The following CYP7B1 variants were observed in gnomAD, a reference collection of about 807,000 sequenced individuals.
CYP7B1 encodes cytochrome P450 family 7 subfamily B member 1.
Under a neutral mutation model 42.7 loss-of-function variants are expected in CYP7B1, and 29 were observed. That is an observed-to-expected ratio of 0.68 (90% CI 0.51 to 0.93). CYP7B1 has a LOEUF of 0.93. Ranked by LOEUF, CYP7B1 falls within the 40% of genes least tolerant of loss-of-function variation. The pLI is 0.00. For missense variants in CYP7B1, 655 were observed against 600.5 expected (o/e 1.09, Z -0.95); for synonymous variants, 235 against 218.2 (o/e 1.08, Z -0.68).
chr8:64,784,961 GA>G (rs1173293833), intron 1 of CYP7B1, among the ~76,000 whole-genome samples: 1 of 152,114 alleles, frequency 6.6e-6, no homozygotes, highest in Non-Finnish European at 1.5e-5. Flanking sequence ...AAAGCTAAGA[GA>G]CAGTATTTTC....
intron 1 of CYP7B1, among the ~76,000 whole-genome samples, chr8:64,693,522 C>T (rs563214237): frequency 2.0e-5 from 3 of 152,154 alleles, no homozygotes; most frequent in Non-Finnish European, 2.9e-5. Flanking sequence ...TTAAATGATC[C>T]TTTCCTCTAA....
intron 1 of CYP7B1, among the ~76,000 whole-genome samples, chr8:64,789,201 T>G (rs1014699504): frequency 2.0e-5 from 3 of 152,210 alleles, no homozygotes; most frequent in African/African-American, 7.2e-5. Flanking sequence ...GTGCTGGGAT[T>G]ACAGGCATGA....
chr8:64,660,443 T>C (rs768735450), intron 1 of CYP7B1, among the ~76,000 whole-genome samples: 5 of 152,176 alleles, frequency 3.3e-5, no homozygotes, highest in African/African-American at 4.8e-5. Context: ...TGAATGAAAT[T>C]ATACACAAGA....
intron 2 of CYP7B1, among the ~76,000 whole-genome samples, chr8:64,620,907 C>CAAAAAATT (rs1805521106): frequency 6.6e-6 from 1 of 152,090 alleles, no homozygotes; most frequent in Non-Finnish European, 1.5e-5. Context: ...CAGAAATTGG[C>CAAAAAATT]TATTTTTTTG....
intron 1 of CYP7B1, among the ~76,000 whole-genome samples, chr8:64,740,838 A>C (rs1327291627): frequency 6.6e-6 from 1 of 151,462 alleles, no homozygotes; most frequent in Admixed American, 6.6e-5. Flanking sequence ...TATATCTATC[A>C]AAAAAAATCC....
rs552595901 is a variant in CYP7B1, at chr8:64,640,303, AC to A, written c.123-15765del. 9.8e-4 allele frequency among the ~76,000 whole-genome samples: 149 copies of A among 152,260 alleles called. 1 individual carries two copies. The highest frequency in any genetic ancestry group is 1.9e-3 in the Non-Finnish European group (130 of 68,000). On this transcript the variant is annotated intron_variant, in intron 1 of 5. Transcript: ENST00000310193. Reference sequence around the variant, plus strand: ...TTCATGGTATATAAATTATATCTCAACAAACCTCATGAAAAAATGAGACTAA... The same window carrying A: ...TTCATGGTATATAAATTATATCTCAAAAACCTCATGAAAAAATGAGACTAA...
At chr8:64,754,613 AG>A (rs2129633584) in intron 1 of CYP7B1, among the ~76,000 whole-genome samples, 1 of 152,234 alleles carries the variant, frequency 6.6e-6, no homozygotes, top group South Asian at 2.1e-4. Flanking sequence ...GCCTGGAGTT[AG>A]GGGATTCAAG....
chr8:64,630,698 T>C (rs1304099189), intron 1 of CYP7B1, among the ~76,000 whole-genome samples: 1 of 152,198 alleles, frequency 6.6e-6, no homozygotes, highest in Admixed American at 6.5e-5. Context: ...TAACTTCAGA[T>C]GAGCAGGCAA....
chr8:64,725,234 T>C (rs73243418), intron 1 of CYP7B1, among the ~76,000 whole-genome samples: 5,564 of 152,310 alleles, frequency 0.037, 333 homozygotes, highest in African/African-American at 0.13. Context: ...TCACATAAAA[T>C]GTTGATTATT....
At chr8:64,786,221 A>C (rs557417668) in intron 1 of CYP7B1, among the ~76,000 whole-genome samples, 1 of 152,298 alleles carries the variant, frequency 6.6e-6, no homozygotes, top group East Asian at 1.9e-4. Flanking sequence ...CCTTTTCAAC[A>C]GTCCCCCAAA....
At chr8:64,627,449 T>C (rs904957500) in intron 1 of CYP7B1, among the ~76,000 whole-genome samples, 2 of 152,226 alleles carry the variant, frequency 1.3e-5, no homozygotes, top group African/African-American at 4.8e-5. Flanking sequence ...ATATTAACTC[T>C]CTTCCTTGGT....
At chr8:64,604,989 C>T in intron 4 of CYP7B1, 132 bp from the exon 5 acceptor site, 1 of 1,095,898 alleles carries the variant, frequency 9.1e-7, no homozygotes, top group Non-Finnish European at 1.3e-6. Flanking sequence ...ATACATTGAG[C>T]ACCAAGAGGG....
chr8:64,720,762 T>G (rs998427901), intron 1 of CYP7B1, among the ~76,000 whole-genome samples: 5 of 152,156 alleles, frequency 3.3e-5, no homozygotes, highest in Non-Finnish European at 7.4e-5. Flanking sequence ...CCTTAAATTA[T>G]GTAATTGTGA....
At chr8:64,587,004 A>G (rs934120069), downstream of CYP7B1, among the ~76,000 whole-genome samples, 5 of 152,178 alleles carry the variant, frequency 3.3e-5, no homozygotes, top group Non-Finnish European at 5.9e-5. Context: ...TCTTACGGTG[A>G]GAGTCTTTTT....
intron 1 of CYP7B1, among the ~76,000 whole-genome samples, chr8:64,659,826 C>A (rs182392454): frequency 1.3e-5 from 2 of 152,134 alleles, no homozygotes; most frequent in Admixed American, 1.3e-4. Context: ...GTGGAGTTAT[C>A]CAATAGGCAA....
chr8:64,793,939 TTCC>T (rs1280902098), intron 1 of CYP7B1, among the ~76,000 whole-genome samples: 1 of 150,028 alleles, frequency 6.7e-6, no homozygotes, highest in East Asian at 2.0e-4. Flanking sequence ...AACCTAGCAT[TTCC>T]ACAGAAAACA....
chr8:64,729,486 ATTG>A (rs1173544080), intron 1 of CYP7B1, among the ~76,000 whole-genome samples: 3 of 152,220 alleles, frequency 2.0e-5, no homozygotes, highest in Non-Finnish European at 4.4e-5. Flanking sequence ...AAAATTTATG[ATTG>A]TTCTTTGACC....
In CYP7B1 at chr8:64,616,295, AAG is replaced by A. The variant is rs768562143; in HGVS notation, c.260-16_260-15del. 8 of 1,477,614 alleles carry A rather than the reference AAG, an allele frequency of 5.4e-6. No individual in the cohort carries two copies. The highest frequency in any genetic ancestry group is 7.4e-6 in the Non-Finnish European group (8 of 1,074,802). The allele number at this position is 1,477,614 out of a possible 1,614,324, so 91.5% of individuals were successfully genotyped here. ...TTATGTACTTTCCTAGAAAAAAAAA[AAG>A]AGAGAGAAAATATGAGTTCGTTTGT... On this transcript the variant is annotated splice_polypyrimidine_tract_variant and intron_variant, in intron 2 of 5. Transcript: ENST00000310193.
In CYP7B1 at chr8:64,656,071, T is replaced by C. The variant is rs113437499; in HGVS notation, c.123-31532A>G. Among the ~76,000 whole-genome samples the C allele has an allele frequency of 9.1e-3, 1,387 of 152,224 alleles. 24 individuals are homozygous for C. The highest frequency in any genetic ancestry group is 0.031 in the African/African-American group (1,298 of 41,538). ...GGTAACTATTGGGTACTGGGCTCAA[T>C]ACCTGGGTGATGAAATAATCTGTAC... On this transcript the variant is annotated intron_variant, in intron 1 of 5. Transcript: ENST00000310193.
Sources: allele counts gnomAD v4.1 joint callset (sites outside exome capture counted in the v4.1 genomes callset), GRCh38; gene constraint gnomAD v4.1.1; transcripts MANE v1.5; gene names NCBI Gene and HGNC (gene_info 2026-07-23, HGNC 2026-07-21).